MAML2: variants seen among roughly 807,000 people sequenced by gnomAD.
MAML2 encodes mastermind-like protein 2.
In MAML2, 22 loss-of-function variants were observed where a neutral mutation model predicts 96.1. The ratio of observed to expected loss-of-function variants is 0.23; its 90% CI spans 0.16 to 0.33. MAML2 has a LOEUF of 0.33. Ranked by LOEUF, MAML2 falls within the 10% of genes least tolerant of loss-of-function variation. The probability of loss-of-function intolerance (pLI) is 1.00; values close to 1 mark genes in which losing one functional copy is unlikely to be tolerated. For missense variants in MAML2, 1,367 were observed against 1,392.4 expected (o/e 0.98, Z 0.29); for synonymous variants, 561 against 521.3 (o/e 1.08, Z -1.04).
chr11:96,024,957 TA>T (rs1441474232), intron 2 of MAML2, among the ~76,000 whole-genome samples: 1 of 152,190 alleles, frequency 6.6e-6, no homozygotes, highest in African/African-American at 2.4e-5. Context: ...GGTGGGAATG[TA>T]AATAAGTTCA....
At chr11:95,988,578 T>G (rs1857864790) in intron 3 of MAML2, among the ~76,000 whole-genome samples, 1 of 147,878 alleles carries the variant, frequency 6.8e-6, no homozygotes, top group African/African-American at 2.5e-5. Context: ...TTATTATATA[T>G]AATATTTATA....
intron 1 of MAML2, among the ~76,000 whole-genome samples, chr11:96,094,969 A>G (rs1402633317): frequency 1.3e-5 from 2 of 152,234 alleles, no homozygotes; most frequent in South Asian, 2.1e-4. Flanking sequence ...ACACTTGAAT[A>G]TGGTTACTTT....
At chr11:96,247,761 CTCTT>C (rs1270839177) in intron 1 of MAML2, among the ~76,000 whole-genome samples, 6 of 152,166 alleles carry the variant, frequency 3.9e-5, no homozygotes, top group Non-Finnish European at 8.8e-5. Flanking sequence ...CTTTTCCTCT[CTCTT>C]CTAAACCTCC....
chr11:96,126,139 T>C (rs367579365), intron 1 of MAML2, among the ~76,000 whole-genome samples: 4 of 152,178 alleles, frequency 2.6e-5, no homozygotes, highest in African/African-American at 9.7e-5. Flanking sequence ...GTGCAAGGTG[T>C]TATGCTGGGA....
chr11:96,164,576 G>C (rs1246444217), intron 1 of MAML2, among the ~76,000 whole-genome samples: 1 of 152,156 alleles, frequency 6.6e-6, no homozygotes, highest in Middle Eastern at 3.2e-3. Flanking sequence ...CTTCTTTTTA[G>C]AGTGATACAG....
At chr11:96,066,072 C>T (rs1367625965) in intron 2 of MAML2, among the ~76,000 whole-genome samples, 1 of 152,216 alleles carries the variant, frequency 6.6e-6, no homozygotes, top group Non-Finnish European at 1.5e-5. Context: ...CTAATTACCC[C>T]TCTTATGGCT....
At chr11:96,230,770 C>G (rs193264925) in intron 1 of MAML2, among the ~76,000 whole-genome samples, 4 of 152,198 alleles carry the variant, frequency 2.6e-5, no homozygotes, top group Non-Finnish European at 4.4e-5. Flanking sequence ...GGGAACAATA[C>G]GAAGCCTAAT....
At chr11:96,211,785 A>C (rs1301332562) in intron 1 of MAML2, among the ~76,000 whole-genome samples, 1 of 152,212 alleles carries the variant, frequency 6.6e-6, no homozygotes, top group East Asian at 1.9e-4. Context: ...ATTCGTCTTT[A>C]AGCACTAGTT....
At chr11:96,134,190 AC>A (rs1321293831) in intron 1 of MAML2, among the ~76,000 whole-genome samples, 1 of 152,196 alleles carries the variant, frequency 6.6e-6, no homozygotes, top group African/African-American at 2.4e-5. Flanking sequence ...AAGTGGCAGG[AC>A]ACAGGACTCT....
At chr11:96,225,039 T>TG (rs1862192262) in intron 1 of MAML2, among the ~76,000 whole-genome samples, 1 of 152,204 alleles carries the variant, frequency 6.6e-6, no homozygotes, top group Non-Finnish European at 1.5e-5. Flanking sequence ...GTAAATACTC[T>TG]GGGGGAGTTT....
At chr11:96,114,241 G>C (rs534238753) in intron 1 of MAML2, among the ~76,000 whole-genome samples, 1 of 152,282 alleles carries the variant, frequency 6.6e-6, no homozygotes, top group East Asian at 1.9e-4. Flanking sequence ...TCTTCTGAGG[G>C]AAATCCTGAC....
intron 1 of MAML2, among the ~76,000 whole-genome samples, chr11:96,295,080 T>C (rs779543540): frequency 9.2e-5 from 14 of 152,246 alleles, no homozygotes; most frequent in Admixed American, 1.3e-4. Context: ...TGATCTTGCC[T>C]CTGCTAAACT....
chr11:96,142,405 T>TG (rs546908342), intron 1 of MAML2, among the ~76,000 whole-genome samples: 127 of 152,278 alleles, frequency 8.3e-4, no homozygotes, highest in African/African-American at 2.9e-3. Flanking sequence ...CCTGTTAAAC[T>TG]GGTATGACTG....
At chr11:96,325,881 G>A (rs1193808489) in intron 1 of MAML2, among the ~76,000 whole-genome samples, 6 of 152,168 alleles carry the variant, frequency 3.9e-5, no homozygotes, top group African/African-American at 1.4e-4. Context: ...TCCAGGCTTG[G>A]AGCAGCCACG....
chr11:96,017,997 T>C (rs1228137779), intron 2 of MAML2, among the ~76,000 whole-genome samples: 2 of 152,174 alleles, frequency 1.3e-5, no homozygotes, highest in Admixed American at 1.3e-4. Context: ...GAATAGTTTG[T>C]ACGGAGAAAG....
intron 2 of MAML2, among the ~76,000 whole-genome samples, chr11:96,004,166 C>A (rs1030473524): frequency 6.6e-6 from 1 of 152,048 alleles, no homozygotes; most frequent in African/African-American, 2.4e-5. Flanking sequence ...TTCCATTCCT[C>A]TAGAAATATT....
At chr11:96,009,710 A>T (rs1858238826) in intron 2 of MAML2, among the ~76,000 whole-genome samples, 1 of 152,192 alleles carries the variant, frequency 6.6e-6, no homozygotes, top group Non-Finnish European at 1.5e-5. Context: ...ACCTGTAAAC[A>T]TTTGTTACAG....
intron 1 of MAML2, among the ~76,000 whole-genome samples, chr11:96,251,713 G>A (rs1862583545): frequency 6.7e-6 from 1 of 149,770 alleles, no homozygotes; most frequent in Non-Finnish European, 1.5e-5. Context: ...CAGAAAAAAA[G>A]AGGCCCACAA....
intron 1 of MAML2, among the ~76,000 whole-genome samples, chr11:96,259,122 T>G (rs748237104): frequency 2.6e-5 from 4 of 152,248 alleles, no homozygotes; most frequent in Non-Finnish European, 4.4e-5. Context: ...GTTCCTTCTT[T>G]AGGTAACTCT....
Sources: gnomAD v4.1 joint callset for allele counts (sites outside exome capture counted in the v4.1 genomes callset) on GRCh38, gnomAD v4.1.1 for gene constraint, MANE v1.5 for transcripts, NCBI Gene and HGNC (gene_info 2026-07-23, HGNC 2026-07-21) for gene names.